Variants in METTL9 observed in about 807,000 individuals in gnomAD.
METTL9 encodes protein-L-histidine N-pros-methyltransferase.
Under a neutral mutation model 36.0 loss-of-function variants are expected in METTL9, and 10 were observed. The ratio of observed to expected loss-of-function variants is 0.28; its 90% CI spans 0.17 to 0.47. METTL9 has a LOEUF of 0.47. Among genes scored for constraint, METTL9 ranks in the 20% least tolerant of loss-of-function variants. The probability of loss-of-function intolerance (pLI) is 0.99; values close to 1 mark genes in which losing one functional copy is unlikely to be tolerated. For synonymous variants in METTL9, 175 were observed against 149.7 expected (o/e 1.17, Z -1.23); for missense variants, 246 against 383.5 (o/e 0.64, Z 3.00).
intron 1 of METTL9, among the ~76,000 whole-genome samples, chr16:21,607,038 T>G (rs1428063620): frequency 1.3e-5 from 2 of 152,132 alleles, no homozygotes; most frequent in African/African-American, 4.8e-5. Context: ...TCAACCAAGG[T>G]TATATATAAA....
chr16:21,629,638 C>T (rs779318737), intron 4 of METTL9, among the ~76,000 whole-genome samples: 3 of 152,200 alleles, frequency 2.0e-5, no homozygotes, highest in Non-Finnish European at 4.4e-5. Flanking sequence ...GTGAGTGTTA[C>T]AGCTCTTAAA....
At chr16:21,647,674 C>T (rs1346097669) in intron 4 of METTL9, among the ~76,000 whole-genome samples, 2 of 152,118 alleles carry the variant, frequency 1.3e-5, no homozygotes, top group Non-Finnish European at 2.9e-5. Context: ...GTTTTCTGAC[C>T]TTGACCTGCT....
intron 4 of METTL9, chr16:21,627,164 C>T: frequency 2.0e-6 from 2 of 985,330 alleles, no homozygotes; most frequent in Non-Finnish European, 2.4e-6. Context: ...CTCTGAGTCA[C>T]TAATTAGATC....
intron 1 of METTL9, among the ~76,000 whole-genome samples, chr16:21,603,390 C>T (rs1048027889): frequency 6.6e-5 from 10 of 152,080 alleles, no homozygotes; most frequent in Non-Finnish European, 1.2e-4. Flanking sequence ...CTTCCCACAT[C>T]GGCTTCCCAA....
chr16:21,618,609 A>G (rs1567331215), intron 3 of METTL9, among the ~76,000 whole-genome samples: 1 of 152,214 alleles, frequency 6.6e-6, no homozygotes, highest in Non-Finnish European at 1.5e-5. Flanking sequence ...ATTTCGTATA[A>G]GAGGAATTAT....
Position 21,599,663 on chromosome 16 carries a change from C to G in METTL9, c.-71C>G. On this transcript the variant is annotated 5_prime_UTR_variant, in exon 1 of 5. Coordinates refer to ENST00000358154, the MANE Select transcript of METTL9 (RefSeq NM_016025.5). This position sits in a 1 kb window ranked among gnomAD's most constrained non-coding sequence, Gnocchi z 4.4. ...GAGCTCGGGCGGTGGCGGCGGTGGC[C>G]GGAGGCGGCGGTGCCTCCTCCTCCT... 1.5e-6 allele frequency: 2 copies of G among 1,355,012 alleles called. No homozygotes were observed. The highest frequency in any genetic ancestry group is 3.6e-5 in the South Asian group (2 of 56,122). 83.9% of individuals were successfully genotyped at this position (1,355,012 alleles called of 1,614,324 possible).
intron 1 of METTL9, among the ~76,000 whole-genome samples, chr16:21,606,798 A>G (rs1353619672): frequency 6.6e-6 from 1 of 152,168 alleles, no homozygotes; most frequent in Non-Finnish European, 1.5e-5. Context: ...TTTTTATTAT[A>G]CCACATCATC....
At chr16:21,624,507 G>A (rs1411536249) in intron 3 of METTL9, among the ~76,000 whole-genome samples, 2 of 152,032 alleles carry the variant, frequency 1.3e-5, no homozygotes, top group Admixed American at 6.6e-5. Context: ...CAGTCGGATC[G>A]CTTGAGGTGA....
chr16:21,619,465 A>G (rs529145054), intron 3 of METTL9, among the ~76,000 whole-genome samples: 27 of 151,630 alleles, frequency 1.8e-4, no homozygotes, highest in African/African-American at 6.1e-4. Flanking sequence ...CACTTGCCCA[A>G]GCTGGAGTGC....
At chr16:21,606,075 G>A (rs1444975540) in intron 1 of METTL9, among the ~76,000 whole-genome samples, 1 of 152,000 alleles carries the variant, frequency 6.6e-6, no homozygotes, top group African/African-American at 2.4e-5. Flanking sequence ...GGTGGCTCAC[G>A]CCTGTAATCC....
chr16:21,654,813 A>T (rs1314546976), intron 4 of METTL9: 1 of 165,534 alleles, frequency 6.0e-6, no homozygotes, highest in Non-Finnish European at 1.3e-5. Context: ...ATTTGTCCAA[A>T]ACTGTCCTTC....
intron 4 of METTL9, among the ~76,000 whole-genome samples, chr16:21,638,787 C>CAA (rs1249018609): frequency 6.6e-6 from 1 of 152,128 alleles, no homozygotes; most frequent in Non-Finnish European, 1.5e-5. Context: ...ACAGCATGTG[C>CAA]AAAAGCATGA....
Position 21,655,625 on chromosome 16 carries a change from C to A in METTL9, c.*193C>A. ...AGGAATGTTTTTAAAAGACAAAAACCCAACTCTTTGTGGATTTTTATCAAC... is the reference window on the plus strand; with the variant it reads ...AGGAATGTTTTTAAAAGACAAAAACACAACTCTTTGTGGATTTTTATCAAC... On this transcript the variant is annotated 3_prime_UTR_variant, in exon 5 of 5. Coordinates refer to ENST00000358154, the MANE Select transcript of METTL9 (RefSeq NM_016025.5). The A allele has an allele frequency of 1.8e-6, 1 of 554,532 alleles. No homozygotes were observed. The highest frequency in any genetic ancestry group is 3.1e-6 in the Non-Finnish European group (1 of 320,798). The allele number at this position is 554,532 out of a possible 1,614,324, so 34.4% of individuals were successfully genotyped here. A position where few individuals can be genotyped will look rare whatever the true frequency, so the allele number is the denominator to read the frequency against.
intron 1 of METTL9, among the ~76,000 whole-genome samples, chr16:21,601,127 C>T (rs963487729): frequency 2.0e-5 from 3 of 152,060 alleles, no homozygotes; most frequent in Non-Finnish European, 4.4e-5. Context: ...TGAAAGCCTC[C>T]AGCCATTGCA....
chr16:21,636,703 C>T (rs559638338), intron 4 of METTL9, among the ~76,000 whole-genome samples: 15 of 152,338 alleles, frequency 9.8e-5, no homozygotes, highest in African/African-American at 3.4e-4. Context: ...CCAACCACCG[C>T]TCCCAACTCT....
At chr16:21,648,703 C>T (rs1325815641) in intron 4 of METTL9, among the ~76,000 whole-genome samples, 3 of 152,174 alleles carry the variant, frequency 2.0e-5, no homozygotes, top group Non-Finnish European at 2.9e-5. Context: ...CAGGGGAGGC[C>T]ATAGGTAAAA....
intron 4 of METTL9, among the ~76,000 whole-genome samples, chr16:21,638,731 G>A (rs749044789): frequency 1.1e-4 from 16 of 152,170 alleles, no homozygotes; most frequent in Non-Finnish European, 1.9e-4. Context: ...TTCATGTTGA[G>A]GTGAGCTGTG....
intron 4 of METTL9, among the ~76,000 whole-genome samples, chr16:21,627,794 A>G (rs1005179954): frequency 6.6e-6 from 1 of 152,086 alleles, no homozygotes; most frequent in African/African-American, 2.4e-5. Context: ...CTAAAAATAT[A>G]AAAACAAAAT....
At chr16:21,631,113 T>G (rs1289380128) in intron 4 of METTL9, among the ~76,000 whole-genome samples, 1 of 152,170 alleles carries the variant, frequency 6.6e-6, no homozygotes, top group Non-Finnish European at 1.5e-5. Context: ...TTGCAAACTA[T>G]CTGAGAAATC....
Sources: gnomAD v4.1 joint callset for allele counts (sites outside exome capture counted in the v4.1 genomes callset) on GRCh38, gnomAD v4.1.1 for gene constraint, Gnocchi (gnomAD v3.1) non-coding constraint, MANE v1.5 for transcripts, NCBI Gene and HGNC (gene_info 2026-07-23, HGNC 2026-07-21) for gene names.